FHIT: variants seen among roughly 807,000 people sequenced by gnomAD.
FHIT encodes fragile histidine triad diadenosine triphosphatase, also known as bis(5'-adenosyl)-triphosphatase.
A neutral mutation model predicts 17.9 loss-of-function variants in FHIT; 19 were observed. The observed-to-expected ratio is 1.06, with a 90% CI of 0.74 to 1.56. The LOEUF (loss-of-function observed/expected upper bound fraction) is 1.56, where lower values mean the gene tolerates loss of function less well. Ranked by LOEUF, FHIT falls within the 40% of genes most tolerant of loss-of-function variation. The pLI is 0.00. For synonymous variants in FHIT, 81 were observed against 69.7 expected, an observed-to-expected ratio of 1.16 and a Z score of -0.81; for missense variants, 248 against 189.2, an observed-to-expected ratio of 1.31 and a Z score of -1.82.
At chr3:60,972,484 T>C (rs1274760486) in intron 3 of FHIT, among the ~76,000 whole-genome samples, 2 of 152,078 alleles carry the variant, frequency 1.3e-5, no homozygotes, top group African/African-American at 4.8e-5. Context: ...TTCCTTTGGA[T>C]GCTTTTAAGA....
intron 5 of FHIT, among the ~76,000 whole-genome samples, chr3:60,195,037 G>T (rs1702563575): frequency 1.3e-5 from 2 of 152,026 alleles, no homozygotes; most frequent in African/African-American, 4.8e-5. Context: ...ATAGCGGCAG[G>T]GAGCTGTAAT....
At chr3:60,888,502 AG>A (rs1192179546) in intron 3 of FHIT, among the ~76,000 whole-genome samples, 3 of 151,078 alleles carry the variant, frequency 2.0e-5, no homozygotes, top group Non-Finnish European at 4.4e-5. Flanking sequence ...TTTCTTTCTA[AG>A]AAAAAAAAAA....
intron 4 of FHIT, among the ~76,000 whole-genome samples, chr3:60,789,483 A>T (rs1700705699): frequency 1.3e-5 from 2 of 152,164 alleles, no homozygotes; most frequent in Admixed American, 1.3e-4. Context: ...GTGCCACTGC[A>T]CTCCAGCCTG....
rs773506760 is a variant in FHIT, at chr3:60,014,171, A to G, written c.104-19T>C. On this transcript the variant is annotated intron_variant, in intron 5 of 9. Transcript: ENST00000492590. ...AGGACATCTGTAGCAAGGTCTGTTA[A>G]GGCCCATGCTGCTGGCTTTGGGTAG... The G allele has an allele frequency of 6.2e-7, 1 of 1,613,392 alleles. No homozygotes were observed. Among genetic ancestry groups the G allele is most frequent in the Non-Finnish European group, 8.5e-7 (1 of 1,179,574 alleles).
intron 4 of FHIT, among the ~76,000 whole-genome samples, chr3:60,544,517 A>C (rs1425658184): frequency 6.6e-6 from 1 of 150,858 alleles, no homozygotes; most frequent in Non-Finnish European, 1.5e-5. Context: ...ACAAGGTATT[A>C]TTTTTTAATA....
intron 2 of FHIT, among the ~76,000 whole-genome samples, chr3:61,131,740 C>T (rs540772099): frequency 1.3e-5 from 2 of 152,272 alleles, no homozygotes; most frequent in South Asian, 2.1e-4. Context: ...AAAAAGGTTT[C>T]GTTGTTTATT....
chr3:60,151,629 C>G (rs985276313), intron 5 of FHIT, among the ~76,000 whole-genome samples: 32 of 152,164 alleles, frequency 2.1e-4, no homozygotes, highest in African/African-American at 7.0e-4. Context: ...CTCTCCCTCT[C>G]TCTCACAAAG....
At chr3:59,929,186 T>C (rs575608157) in intron 7 of FHIT, among the ~76,000 whole-genome samples, 1 of 151,872 alleles carries the variant, frequency 6.6e-6, no homozygotes, top group East Asian at 1.9e-4. Context: ...CAGCAATTTG[T>C]TATAGCAACA....
At chr3:60,555,599 T>G (rs2036714036) in intron 4 of FHIT, among the ~76,000 whole-genome samples, 1 of 152,208 alleles carries the variant, frequency 6.6e-6, no homozygotes, top group Non-Finnish European at 1.5e-5. Context: ...TCTTCATCGT[T>G]TTTTCATTTC....
intron 7 of FHIT, among the ~76,000 whole-genome samples, chr3:59,972,821 G>A (rs1281455117): frequency 6.6e-6 from 1 of 152,062 alleles, no homozygotes; most frequent in South Asian, 2.1e-4. Context: ...TCTCCTCGAG[G>A]TTCTCTGGAA....
intron 8 of FHIT, among the ~76,000 whole-genome samples, chr3:59,778,592 A>C (rs1702435222): frequency 6.6e-6 from 1 of 152,212 alleles, no homozygotes; most frequent in South Asian, 2.1e-4. Flanking sequence ...GCCACAGATC[A>C]TACACAGACT....
At chr3:61,154,127 A>G (rs1234063777) in intron 2 of FHIT, among the ~76,000 whole-genome samples, 1 of 152,140 alleles carries the variant, frequency 6.6e-6, no homozygotes, top group East Asian at 1.9e-4. Context: ...AATACAGTAT[A>G]TTTTCTAGAA....
Position 60,102,616 on chromosome 3 carries a change from T to C in FHIT, c.104-88464A>G, listed in dbSNP as rs190825743. ...GCTATTTTGGAAAATTAGTGTTAAA[T>C]AAGAATAAAAAAAAAAAACCCTTCA... is the stretch of plus-strand genomic sequence containing the variant. On this transcript the variant is annotated intron_variant, in intron 5 of 9. Transcript: ENST00000492590. 5.4e-3 allele frequency among the ~76,000 whole-genome samples: 810 copies of C among 149,756 alleles called. 5 individuals carry two copies. The highest frequency in any genetic ancestry group is 0.019 in the African/African-American group (751 of 40,594).
intron 5 of FHIT, among the ~76,000 whole-genome samples, chr3:60,367,998 A>G (rs1319820793): frequency 6.6e-6 from 1 of 152,172 alleles, no homozygotes; most frequent in African/African-American, 2.4e-5. Flanking sequence ...TAGGTGAAGT[A>G]TCTTTTATTC....
intron 5 of FHIT, among the ~76,000 whole-genome samples, chr3:60,115,786 T>C (rs1704930540): frequency 6.6e-6 from 1 of 152,116 alleles, no homozygotes; most frequent in African/African-American, 2.4e-5. Flanking sequence ...TAGTAAAGTA[T>C]AAAAAAGTAG....
intron 4 of FHIT, among the ~76,000 whole-genome samples, chr3:60,724,592 T>C (rs2107971371): frequency 6.6e-6 from 1 of 152,114 alleles, no homozygotes; most frequent in Admixed American, 6.5e-5. Context: ...CCAATGGCAG[T>C]GTAACAGAGT....
At chr3:60,565,837 T>C (rs2037114797) in intron 4 of FHIT, among the ~76,000 whole-genome samples, 1 of 152,206 alleles carries the variant, frequency 6.6e-6, no homozygotes. Context: ...TCTCTAGTTC[T>C]TTTAATTGTG....
chr3:60,001,576 T>G (rs1302583367), intron 7 of FHIT, among the ~76,000 whole-genome samples: 1 of 152,172 alleles, frequency 6.6e-6, no homozygotes, highest in Non-Finnish European at 1.5e-5. Flanking sequence ...AGCAGCTACC[T>G]CACAGTGCTT....
chr3:60,378,263 T>A (rs1403728840), intron 5 of FHIT, among the ~76,000 whole-genome samples: 1 of 152,118 alleles, frequency 6.6e-6, no homozygotes, highest in Non-Finnish European at 1.5e-5. Context: ...GACCTCGTGA[T>A]CCGCCCGCCT....
Sources: gnomAD v4.1 joint callset for allele counts (sites outside exome capture counted in the v4.1 genomes callset) on GRCh38, gnomAD v4.1.1 for gene constraint, MANE v1.5 for transcripts, NCBI Gene and HGNC (gene_info 2026-07-23, HGNC 2026-07-21) for gene names.